The following ASTN2 variants were observed in gnomAD, a reference collection of about 807,000 sequenced individuals.
ASTN2 encodes astrotactin 2.
In ASTN2, 54 loss-of-function variants were observed where a neutral mutation model predicts 139.8. That is an observed-to-expected ratio of 0.39 (90% confidence interval 0.31 to 0.48). ASTN2 has a LOEUF of 0.48. Ranked by LOEUF, ASTN2 falls within the 20% of genes least tolerant of loss-of-function variation. The probability of loss-of-function intolerance (pLI) is 0.95; values close to 1 mark genes in which losing one functional copy is unlikely to be tolerated. For missense variants in ASTN2, 1,565 were observed against 1,725.1 expected (o/e 0.91, Z 1.64); for synonymous variants, 756 against 719.5 (o/e 1.05, Z -0.81).
chr9:117,131,744 T>G lies in ASTN2; in HGVS notation c.1168+9582A>C, dbSNP rs189158003. 5.9e-5 allele frequency among the ~76,000 whole-genome samples: 9 copies of G among 152,330 alleles called. No homozygotes were observed. In the East Asian group the frequency reaches 1.7e-3, roughly 29 times the overall value. On this transcript the variant is annotated intron_variant, in intron 4 of 22. Transcript: ENST00000313400. The stretch of plus-strand genomic sequence containing the variant: ...CAACCAATTGCCAATCAGAAAATCT[T>G]TTAATCCACCTATGACCTGTAAGTA...
chr9:117,306,368 T>C (rs1363104711), intron 1 of ASTN2, among the ~76,000 whole-genome samples: 1 of 152,168 alleles, frequency 6.6e-6, no homozygotes, highest in Non-Finnish European at 1.5e-5. Context: ...CCAGGTTACA[T>C]AGCAAGTCAG....
At chr9:117,310,630 ATTGT>A (rs1336178334) in intron 1 of ASTN2, among the ~76,000 whole-genome samples, 1 of 151,764 alleles carries the variant, frequency 6.6e-6, no homozygotes, top group Non-Finnish European at 1.5e-5. Context: ...TGTTGTTGTT[ATTGT>A]TTGTTTGTTT....
intron 10 of ASTN2, among the ~76,000 whole-genome samples, chr9:116,925,861 AACAC>A (rs573361389): frequency 6.1e-4 from 33 of 54,140 alleles, no homozygotes; most frequent in African/African-American, 1.4e-3. Context: ...TACACAACAC[AACAC>A]ACACACACAC....
intron 7 of ASTN2, among the ~76,000 whole-genome samples, chr9:116,988,760 C>T (rs955119395): frequency 3.9e-5 from 6 of 152,086 alleles, no homozygotes; most frequent in Admixed American, 2.0e-4. Flanking sequence ...CCCTACTTGG[C>T]CATCTACCAT....
chr9:116,597,299 A>ATTTTTTTTTTTTTTTTTTTTT (rs757848093), intron 19 of ASTN2, among the ~76,000 whole-genome samples: 3 of 75,530 alleles, frequency 4.0e-5, no homozygotes, highest in Non-Finnish European at 4.9e-5. Flanking sequence ...CTTTTGATCT[A>ATTTTTTTTTTTTTTTTTTTTT]TTTTTTTTTT....
chr9:117,236,385 G>A (rs1322719329), intron 2 of ASTN2, among the ~76,000 whole-genome samples: 3 of 152,320 alleles, frequency 2.0e-5, no homozygotes, highest in Non-Finnish European at 4.4e-5. Flanking sequence ...GCCAGAGGGA[G>A]TGAGATGGAG....
intron 10 of ASTN2, among the ~76,000 whole-genome samples, chr9:116,899,707 G>A (rs965848292): frequency 7.2e-5 from 11 of 152,216 alleles, no homozygotes; most frequent in Admixed American, 2.0e-4. Flanking sequence ...ATCCTTGCTT[G>A]GAGACCACAC....
intron 13 of ASTN2, among the ~76,000 whole-genome samples, chr9:116,755,559 G>A (rs1829512103): frequency 6.6e-6 from 1 of 152,216 alleles, no homozygotes; most frequent in African/African-American, 2.4e-5. Context: ...CTAATGTCTT[G>A]ATCTTGGACT....
chr9:116,684,264 G>C (rs1219387548), intron 16 of ASTN2, among the ~76,000 whole-genome samples: 1 of 152,120 alleles, frequency 6.6e-6, no homozygotes, highest in Non-Finnish European at 1.5e-5. Context: ...TGCACTTTAT[G>C]CAAATAATCA....
chr9:117,090,938 C>A (rs1297255570), intron 5 of ASTN2, among the ~76,000 whole-genome samples: 1 of 152,254 alleles, frequency 6.6e-6, no homozygotes, highest in Non-Finnish European at 1.5e-5. Flanking sequence ...TTCTGCCATG[C>A]AGCCTTCTGG....
At chr9:116,901,396 T>C (rs1451605677) in intron 10 of ASTN2, among the ~76,000 whole-genome samples, 1 of 152,150 alleles carries the variant, frequency 6.6e-6, no homozygotes, top group Non-Finnish European at 1.5e-5. Flanking sequence ...CATATGGCTG[T>C]AGTCCCAGGT....
intron 13 of ASTN2, among the ~76,000 whole-genome samples, chr9:116,801,835 T>G (rs1293073425): frequency 1.3e-5 from 2 of 151,992 alleles, no homozygotes; most frequent in Non-Finnish European, 2.9e-5. Context: ...GTGGTAGTCT[T>G]GGGAGTTTTC....
At chr9:117,046,761 A>G (rs1036330483) in intron 5 of ASTN2, among the ~76,000 whole-genome samples, 1 of 152,194 alleles carries the variant, frequency 6.6e-6, no homozygotes, top group Non-Finnish European at 1.5e-5. Flanking sequence ...CAGACCTCAT[A>G]TTTTATGCTC....
chr9:117,332,413 A>G (rs755533452), intron 1 of ASTN2, among the ~76,000 whole-genome samples: 7 of 152,136 alleles, frequency 4.6e-5, no homozygotes, highest in Non-Finnish European at 7.3e-5. Context: ...TCCACTAAAA[A>G]TACAAAAATT....
intron 10 of ASTN2, 144 bp downstream of exon 10, chr9:116,975,064 T>G: frequency 1.3e-6 from 1 of 788,528 alleles, no homozygotes; most frequent in Non-Finnish European, 1.8e-6. Context: ...CATCTAAGAG[T>G]TTAGGAGCAT....
At chr9:117,341,774 TGGA>T (rs1380068602) in intron 1 of ASTN2, among the ~76,000 whole-genome samples, 2 of 152,220 alleles carry the variant, frequency 1.3e-5, no homozygotes, top group Non-Finnish European at 2.9e-5. Context: ...GAGGTCTCTG[TGGA>T]GTTCATTTCA....
At chr9:117,339,974 A>T (rs539932477) in intron 1 of ASTN2, among the ~76,000 whole-genome samples, 1 of 151,898 alleles carries the variant, frequency 6.6e-6, no homozygotes, top group Admixed American at 6.6e-5. Context: ...ATGGGAACTG[A>T]GGCCTGTTGA....
chr9:117,124,361 A>G (rs1564438037), intron 4 of ASTN2, among the ~76,000 whole-genome samples: 1 of 152,166 alleles, frequency 6.6e-6, no homozygotes, highest in Non-Finnish European at 1.5e-5. Context: ...TCAAGGTCAC[A>G]GCCTTTAAAC....
chr9:117,132,641 G>A (rs1347799003), intron 4 of ASTN2, among the ~76,000 whole-genome samples: 1 of 152,112 alleles, frequency 6.6e-6, no homozygotes, highest in African/African-American at 2.4e-5. Flanking sequence ...GAAGATTTAT[G>A]GAGGCAGTTG....
Sources: allele counts gnomAD v4.1 joint callset (sites outside exome capture counted in the v4.1 genomes callset), GRCh38; gene constraint gnomAD v4.1.1; transcripts MANE v1.5; gene names NCBI Gene and HGNC (gene_info 2026-07-23, HGNC 2026-07-21).